PDE7B: variants seen among roughly 807,000 people sequenced by gnomAD.
PDE7B encodes the protein phosphodiesterase 7B, also known as 3',5'-cyclic-AMP phosphodiesterase 7B.
In PDE7B, 29 loss-of-function variants were observed where a neutral mutation model predicts 56.2. That is an observed-to-expected ratio of 0.52 (90% CI 0.38 to 0.70). The LOEUF is 0.70. Ranked by LOEUF, PDE7B falls within the 30% of genes least tolerant of loss-of-function variation. The pLI is 0.00. For synonymous variants in PDE7B, 197 were observed against 196.9 expected, an observed-to-expected ratio of 1.00 and a Z score of 0.00; for missense variants, 490 against 565.0, an observed-to-expected ratio of 0.87 and a Z score of 1.35.
chr6:135,876,188 T>A (rs1418543746), intron 1 of PDE7B, among the ~76,000 whole-genome samples: 2 of 152,118 alleles, frequency 1.3e-5, no homozygotes, highest in African/African-American at 4.8e-5. Context: ...TGAGAAGAGT[T>A]TGGCATTAGC....
intron 2 of PDE7B, among the ~76,000 whole-genome samples, chr6:135,978,055 A>T (rs1399827610): frequency 2.0e-5 from 3 of 152,146 alleles, no homozygotes; most frequent in East Asian, 3.9e-4. Flanking sequence ...GTGCGGATAC[A>T]TTCTGAGAAA....
At chr6:136,048,419 G>T (rs1345557836) in intron 2 of PDE7B, among the ~76,000 whole-genome samples, 1 of 152,164 alleles carries the variant, frequency 6.6e-6, no homozygotes, top group Non-Finnish European at 1.5e-5. Context: ...TACTCGGGAG[G>T]CTGAGGCAGG....
intron 2 of PDE7B, among the ~76,000 whole-genome samples, chr6:136,000,799 C>T (rs909380417): frequency 5.3e-5 from 8 of 152,212 alleles, no homozygotes; most frequent in African/African-American, 1.9e-4. Flanking sequence ...ACAGCAGTAA[C>T]CTCTGCAGAC....
chr6:136,067,108 C>T (rs1282579640), intron 2 of PDE7B, among the ~76,000 whole-genome samples: 1 of 152,174 alleles, frequency 6.6e-6, no homozygotes, highest in Non-Finnish European at 1.5e-5. Flanking sequence ...ACCTCAGCTT[C>T]CCAAAATGCT....
chr6:136,097,005 T>C (rs1310977312), intron 2 of PDE7B, among the ~76,000 whole-genome samples: 2 of 152,174 alleles, frequency 1.3e-5, no homozygotes, highest in Admixed American at 1.3e-4. Context: ...TGAAGCACTC[T>C]CTTCCATGAC....
At chr6:135,873,660 T>C (rs1042823503) in intron 1 of PDE7B, among the ~76,000 whole-genome samples, 10 of 152,136 alleles carry the variant, frequency 6.6e-5, no homozygotes, top group African/African-American at 2.4e-4. Context: ...AACATAAACA[T>C]GTTGTAAGTA....
Position 136,173,900 on chromosome 6 carries a change from C to A in PDE7B, c.803+12C>A. 1.3e-6 allele frequency: 2 copies of A among 1,574,360 alleles called. No homozygotes were observed. The highest frequency in any genetic ancestry group is 1.7e-6 in the Non-Finnish European group (2 of 1,144,088). On this transcript the variant is annotated intron_variant, in intron 9 of 12. Coordinates refer to ENST00000308191, the MANE Select transcript of PDE7B (RefSeq NM_018945.4). ...CCAAAGGAAATGACGTAAGTGCTGC[C>A]GAGATGAAACATACTGATGTGCATG... is the stretch of plus-strand genomic sequence containing the variant.
chr6:136,139,974 A>G (rs1185980430), intron 3 of PDE7B, among the ~76,000 whole-genome samples: 4 of 152,166 alleles, frequency 2.6e-5, no homozygotes, highest in Non-Finnish European at 4.4e-5. Context: ...CTTTAGTTTA[A>G]TTAGATCCCA....
At chr6:136,042,422 C>T (rs1185834426) in intron 2 of PDE7B, among the ~76,000 whole-genome samples, 2 of 152,220 alleles carry the variant, frequency 1.3e-5, no homozygotes, top group African/African-American at 2.4e-5. Flanking sequence ...GCAAACTCTG[C>T]AACTGGGAAA....
At chr6:136,068,161 CAT>C (rs1235687204) in intron 2 of PDE7B, among the ~76,000 whole-genome samples, 1 of 152,178 alleles carries the variant, frequency 6.6e-6, no homozygotes, top group Non-Finnish European at 1.5e-5. Flanking sequence ...GGCCTGAGAA[CAT>C]GTGCCCAAGG....
intron 2 of PDE7B, among the ~76,000 whole-genome samples, chr6:136,011,810 G>A (rs571498676): frequency 5.3e-5 from 8 of 152,064 alleles, no homozygotes; most frequent in Admixed American, 3.3e-4. Context: ...AGGTATCTGT[G>A]GTCAGATTTT....
intron 2 of PDE7B, among the ~76,000 whole-genome samples, chr6:136,012,108 T>C (rs1187770318): frequency 6.6e-6 from 1 of 152,042 alleles, no homozygotes; most frequent in East Asian, 1.9e-4. Context: ...CTATGCTGCT[T>C]CCCTCCTGTC....
At chr6:136,078,016 T>C (rs927449111) in intron 2 of PDE7B, among the ~76,000 whole-genome samples, 2 of 152,136 alleles carry the variant, frequency 1.3e-5, no homozygotes, top group Non-Finnish European at 2.9e-5. Context: ...TTCAGTTCAG[T>C]TGAATGTAAA....
chr6:135,939,662 A>T (rs1324669045), intron 1 of PDE7B, among the ~76,000 whole-genome samples: 3 of 152,164 alleles, frequency 2.0e-5, no homozygotes, highest in Non-Finnish European at 4.4e-5. Flanking sequence ...GTCACGTAGG[A>T]GACCCTGAAA....
At chr6:136,138,620 T>C (rs975709207) in intron 3 of PDE7B, among the ~76,000 whole-genome samples, 3 of 152,194 alleles carry the variant, frequency 2.0e-5, no homozygotes, top group African/African-American at 7.2e-5. Flanking sequence ...TTAAGTGCTA[T>C]TGTTTTCGCA....
intron 2 of PDE7B, among the ~76,000 whole-genome samples, chr6:136,003,987 C>T (rs1400565158): frequency 6.6e-6 from 1 of 152,034 alleles, no homozygotes; most frequent in Non-Finnish European, 1.5e-5. Flanking sequence ...AGCAGCACAT[C>T]AAAAAGCTTA....
chr6:136,129,888 T>A (rs1354582826), intron 3 of PDE7B, among the ~76,000 whole-genome samples: 5 of 152,208 alleles, frequency 3.3e-5, no homozygotes, highest in African/African-American at 4.8e-5. Context: ...AAGAGAAACC[T>A]CAGTGCCAAC....
intron 2 of PDE7B, among the ~76,000 whole-genome samples, chr6:136,024,242 T>C (rs777998920): frequency 1.3e-5 from 2 of 152,204 alleles, no homozygotes; most frequent in African/African-American, 4.8e-5. Context: ...GCAGATGAAC[T>C]GAAACACATG....
At chr6:136,149,320 T>C (rs931578522) in intron 5 of PDE7B, among the ~76,000 whole-genome samples, 170 bp downstream of exon 5, 9 of 152,158 alleles carry the variant, frequency 5.9e-5, no homozygotes, top group African/African-American at 2.2e-4. Context: ...TCAACTCAGA[T>C]GAAAAATAAG....
Sources: allele counts gnomAD v4.1 joint callset (sites outside exome capture counted in the v4.1 genomes callset), GRCh38; gene constraint gnomAD v4.1.1; transcripts MANE v1.5; gene names NCBI Gene and HGNC (gene_info 2026-07-23, HGNC 2026-07-21).